GPC6: variants seen among roughly 807,000 people sequenced by gnomAD.
The protein encoded by GPC6 is glypican 6, also known as glypican-6.
A neutral mutation model predicts 55.2 loss-of-function variants in GPC6; 14 were observed. The ratio of observed to expected loss-of-function variants is 0.25; its 90% CI spans 0.17 to 0.40. The LOEUF (loss-of-function observed/expected upper bound fraction) is 0.40. GPC6 is among the 10% of genes least tolerant of loss of function. The probability of loss-of-function intolerance (pLI) is 1.00; values close to 1 mark genes in which losing one functional copy is unlikely to be tolerated. For missense variants in GPC6, 641 were observed against 708.5 expected, an observed-to-expected ratio of 0.90 and a Z score of 1.08; for synonymous variants, 278 against 259.6, an observed-to-expected ratio of 1.07 and a Z score of -0.68.
chr13:93,747,363 G>C (rs1024141901), intron 2 of GPC6, among the ~76,000 whole-genome samples: 1 of 152,042 alleles, frequency 6.6e-6, no homozygotes, highest in African/African-American at 2.4e-5. Context: ...GAAAAGAAGA[G>C]ACTGTACAGT....
intron 1 of GPC6, among the ~76,000 whole-genome samples, chr13:93,355,843 G>A (rs1162380556): frequency 6.6e-6 from 1 of 152,076 alleles, no homozygotes; most frequent in Non-Finnish European, 1.5e-5. Flanking sequence ...GAAGTATGGG[G>A]TGCATGTGAG....
chr13:93,791,594 GTTTTTC>G (rs757175644), intron 2 of GPC6, among the ~76,000 whole-genome samples: 2 of 151,750 alleles, frequency 1.3e-5, no homozygotes, highest in Admixed American at 6.6e-5. Flanking sequence ...AGGCCTCGTT[GTTTTTC>G]TTTTTCTTTT....
In GPC6 at chr13:93,537,911, A is replaced by T. The variant is rs184835300; in HGVS notation, c.161-7352A>T. 6.9e-3 allele frequency among the ~76,000 whole-genome samples: 1,044 copies of T among 152,296 alleles called. 6 individuals are homozygous for T. Among genetic ancestry groups the T allele is most frequent in the South Asian group, 0.018 (86 of 4,832 alleles). ...CTAGAAATATGAAATTAAAATAAAG[A>T]ACTGAAAATATCAGGAAGACTTGTT... is the stretch of plus-strand genomic sequence containing the variant. On this transcript the variant is annotated intron_variant, in intron 1 of 8. Transcript: ENST00000377047.
chr13:94,234,433 T>A (rs1890815663), intron 4 of GPC6, among the ~76,000 whole-genome samples: 1 of 151,658 alleles, frequency 6.6e-6, no homozygotes, highest in South Asian at 2.1e-4. Flanking sequence ...CTACATGTAA[T>A]ACTGAAGCTA....
chr13:93,987,745 G>C (rs971143673), intron 3 of GPC6, among the ~76,000 whole-genome samples: 4 of 152,064 alleles, frequency 2.6e-5, no homozygotes, highest in African/African-American at 9.7e-5. Context: ...TCATCTGTTT[G>C]AAAGCTCTGT....
Position 93,695,040 on chromosome 13 carries a change from G to A in GPC6, c.320-135114G>A, listed in dbSNP as rs188929974. 2.9e-4 allele frequency among the ~76,000 whole-genome samples: 44 copies of A among 152,150 alleles called. 1 individual carries two copies. The highest frequency in any genetic ancestry group is 3.8e-4 in the Non-Finnish European group (26 of 67,992). ...ATAAATTTTCTAACTGCTCAGAAAC[G>A]ATGCATATGTGAGTTAAATCTGTGC... On this transcript the variant is annotated intron_variant, in intron 2 of 8. Coordinates refer to ENST00000377047, the MANE Select transcript of GPC6 (RefSeq NM_005708.5).
intron 1 of GPC6, among the ~76,000 whole-genome samples, chr13:93,512,262 C>T (rs1177433727): frequency 6.6e-6 from 1 of 151,958 alleles, no homozygotes; most frequent in East Asian, 1.9e-4. Context: ...CCAGTTCTGA[C>T]AGGAAAGGAT....
At chr13:93,552,496 C>T (rs1485726873) in intron 2 of GPC6, among the ~76,000 whole-genome samples, 1 of 151,922 alleles carries the variant, frequency 6.6e-6, no homozygotes, top group Non-Finnish European at 1.5e-5. Context: ...CTCTCTCTCT[C>T]TCTCTCTTTC....
chr13:94,146,737 G>T (rs1012150848), intron 4 of GPC6, among the ~76,000 whole-genome samples: 1 of 152,078 alleles, frequency 6.6e-6, no homozygotes, highest in Non-Finnish European at 1.5e-5. Context: ...ACCAGTTGTT[G>T]TATATCAAAA....
chr13:93,887,233 TGAGAA>T (rs1219355777), intron 3 of GPC6, among the ~76,000 whole-genome samples: 4 of 151,998 alleles, frequency 2.6e-5, no homozygotes, highest in African/African-American at 7.2e-5. Context: ...AGCAATAAAA[TGAGAA>T]GAGGAGACTA....
intron 4 of GPC6, chr13:94,187,453 C>T (rs1248421438): frequency 6.6e-6 from 1 of 152,134 alleles, no homozygotes; most frequent in Non-Finnish European, 1.5e-5. Flanking sequence ...AAAGCATTCA[C>T]GAATTTTACT....
intron 2 of GPC6, among the ~76,000 whole-genome samples, chr13:93,651,237 G>A (rs375741840): frequency 1.3e-5 from 2 of 151,092 alleles, no homozygotes; most frequent in Non-Finnish European, 2.9e-5. Context: ...TCCAAAATAC[G>A]GTTGGAATCT....
chr13:93,804,871 G>C (rs1056797618), intron 2 of GPC6, among the ~76,000 whole-genome samples: 1 of 152,138 alleles, frequency 6.6e-6, no homozygotes, highest in African/African-American at 2.4e-5. Context: ...GAGTCTCCGT[G>C]AACTAGAGAA....
chr13:94,226,269 A>G (rs932477872), intron 4 of GPC6, among the ~76,000 whole-genome samples: 3 of 152,198 alleles, frequency 2.0e-5, no homozygotes, highest in African/African-American at 7.2e-5. Context: ...AATGTGAGAC[A>G]AAAAGAAGTG....
chr13:94,400,366 A>G (rs1027062976), intron 8 of GPC6, among the ~76,000 whole-genome samples: 1 of 152,110 alleles, frequency 6.6e-6, no homozygotes. Context: ...TGCTTCCCAC[A>G]TTTTTTAATA....
chr13:93,623,007 A>G (rs1879024475), intron 2 of GPC6, among the ~76,000 whole-genome samples: 2 of 152,178 alleles, frequency 1.3e-5, no homozygotes, highest in African/African-American at 4.8e-5. Context: ...GACATCATGT[A>G]GTATTTGTCT....
intron 1 of GPC6, among the ~76,000 whole-genome samples, chr13:93,446,249 CA>C (rs892556994): frequency 2.0e-4 from 31 of 152,098 alleles, no homozygotes; most frequent in Non-Finnish European, 3.7e-4. Flanking sequence ...TCCTTTCACT[CA>C]AAAGTGCTCA....
At chr13:93,636,404 G>A (rs1291363363) in intron 2 of GPC6, among the ~76,000 whole-genome samples, 13 of 152,172 alleles carry the variant, frequency 8.5e-5, no homozygotes. Flanking sequence ...AAGAAAACTA[G>A]TATTTATAGT....
Position 93,307,073 on chromosome 13 carries a change from A to G in GPC6, c.160+79457A>G, listed in dbSNP as rs191501003. 3.9e-3 allele frequency among the ~76,000 whole-genome samples: 595 copies of G among 152,230 alleles called. 8 individuals are homozygous for G. Among genetic ancestry groups the G allele is most frequent in the Admixed American group, 2.2e-3 (33 of 15,300 alleles). ...TTCTTTTCTGTTTTAAAATATTGCCAGTGAAAGAGGTATCCTAGTTTCTAT... is the reference window on the plus strand; with the variant it reads ...TTCTTTTCTGTTTTAAAATATTGCCGGTGAAAGAGGTATCCTAGTTTCTAT... On this transcript the variant is annotated intron_variant, in intron 1 of 8. Transcript: ENST00000377047.
Sources: gnomAD v4.1 joint callset for allele counts (sites outside exome capture counted in the v4.1 genomes callset) on GRCh38, gnomAD v4.1.1 for gene constraint, MANE v1.5 for transcripts, NCBI Gene and HGNC (gene_info 2026-07-23, HGNC 2026-07-21) for gene names.